CCDC62: variants seen among roughly 807,000 people sequenced by gnomAD.
CCDC62 encodes coiled-coil domain containing 62.
CCDC62 carries 72 observed loss-of-function variants against 80.8 expected under a neutral mutation model. The ratio of observed to expected loss-of-function variants is 0.89; its 90% CI spans 0.74 to 1.08. CCDC62 has a LOEUF of 1.08. Ranked by LOEUF, CCDC62 falls within the 50% of genes least tolerant of loss-of-function variation. CCDC62 has a pLI of 0.00. For missense variants in CCDC62, 704 were observed against 809.4 expected (o/e 0.87, Z 1.58); for synonymous variants, 286 against 296.5 (o/e 0.96, Z 0.36).
Position 122,822,060 on chromosome 12 carries a change from AACACACACACAC to A in CCDC62, c.2002-1287_2002-1276del, listed in dbSNP as rs58108370. Among the ~76,000 whole-genome samples the A allele has an allele frequency of 5.2e-5, 6 of 115,764 alleles. 1 individual carries two copies. The highest frequency in any genetic ancestry group is 6.7e-5 in the Non-Finnish European group (4 of 59,580). The allele number at this position is 115,764 out of a possible 152,430, so 75.9% of individuals were successfully genotyped here. On this transcript the variant is annotated intron_variant, in intron 11 of 12. Coordinates refer to ENST00000253079, the MANE Select transcript of CCDC62 (RefSeq NM_201435.5). Reference sequence around the variant, plus strand: ...GGGAGACCCTGTCTCTATAAATTTAAACACACACACACACACACACACACACACACGACATTA... The same window carrying A: ...GGGAGACCCTGTCTCTATAAATTTAAACACACACACACACACACGACATTA...
chr12:122,801,972 GA>G (rs2031342054), intron 9 of CCDC62, 120 bp downstream of exon 9: 1 of 1,096,010 alleles, frequency 9.1e-7, no homozygotes, highest in East Asian at 2.4e-5. Context: ...TTTGCTAACA[GA>G]AATCTTCCTT....
intron 11 of CCDC62, among the ~76,000 whole-genome samples, chr12:122,822,252 C>A (rs756724710): frequency 6.6e-6 from 1 of 151,874 alleles, no homozygotes; most frequent in Admixed American, 6.6e-5. Flanking sequence ...ACTACAGGCG[C>A]GTGCCACCAC....
At chr12:122,811,555 C>T (rs1242197788) in intron 10 of CCDC62, among the ~76,000 whole-genome samples, 1 of 150,136 alleles carries the variant, frequency 6.7e-6, no homozygotes, top group Admixed American at 6.7e-5. Flanking sequence ...GGTGGTGGCT[C>T]ATGCCTGTAC....
chr12:122,796,200 C>T (rs1368212818), intron 6 of CCDC62, among the ~76,000 whole-genome samples: 2 of 151,620 alleles, frequency 1.3e-5, no homozygotes, highest in South Asian at 2.1e-4. Flanking sequence ...TCCCCCACCG[C>T]CCCCCGACAA....
At chr12:122,782,840 G>C (rs2029951544) in intron 3 of CCDC62, among the ~76,000 whole-genome samples, 1 of 150,444 alleles carries the variant, frequency 6.6e-6, no homozygotes. Context: ...CGGCATGGTG[G>C]CTCACACCTA....
intron 8 of CCDC62, 48 bp downstream of exon 8, chr12:122,798,248 C>T (rs1312899596): frequency 2.1e-6 from 2 of 932,730 alleles, no homozygotes; most frequent in Non-Finnish European, 3.5e-6. Context: ...TATATTCCAT[C>T]AGCCAGTATT....
chr12:122,786,142 GTTTT>G (rs201859771), intron 4 of CCDC62, among the ~76,000 whole-genome samples: 3 of 151,744 alleles, frequency 2.0e-5, no homozygotes, highest in African/African-American at 7.3e-5. Flanking sequence ...TGCTTGAGAG[GTTTT>G]TTTTGTTTTG....
intron 4 of CCDC62, among the ~76,000 whole-genome samples, chr12:122,786,233 C>G (rs756127061): frequency 6.6e-6 from 1 of 152,128 alleles, no homozygotes; most frequent in Non-Finnish European, 1.5e-5. Context: ...CTGCAAGCTC[C>G]GCCTCCCAGG....
intron 12 of CCDC62, 59 bp downstream of exon 12, chr12:122,823,518 G>A (rs2032494111): frequency 2.3e-6 from 2 of 856,262 alleles, no homozygotes; most frequent in South Asian, 3.0e-5. Flanking sequence ...AAGTAACTTG[G>A]GAACATCGAT....
At chr12:122,779,318 G>C (rs959811413) in intron 2 of CCDC62, among the ~76,000 whole-genome samples, 1 of 152,208 alleles carries the variant, frequency 6.6e-6, no homozygotes, top group Admixed American at 6.5e-5. Flanking sequence ...GACGCTGCTG[G>C]TGGGAGTCAG....
chr12:122,803,421 T>C (rs1047686752), intron 9 of CCDC62, among the ~76,000 whole-genome samples: 1 of 152,180 alleles, frequency 6.6e-6, no homozygotes, highest in African/African-American at 2.4e-5. Context: ...TAGCTGAATC[T>C]TGTGTGTGAG....
At chr12:122,780,340 A>G (rs1032390842) in intron 2 of CCDC62, among the ~76,000 whole-genome samples, 26 of 148,960 alleles carry the variant, frequency 1.7e-4, no homozygotes, top group African/African-American at 5.2e-4. Context: ...AAGGCCGGGC[A>G]TGGTGGCTCA....
chr12:122,802,475 G>A (rs1161373169), intron 9 of CCDC62, among the ~76,000 whole-genome samples: 4 of 149,096 alleles, frequency 2.7e-5, no homozygotes, highest in South Asian at 2.2e-4. Context: ...GTGCAGTGGC[G>A]CAGTCTTGGC....
chr12:122,777,819 G>A (rs1165666047), intron 2 of CCDC62, 136 bp downstream of exon 2: 6 of 741,796 alleles, frequency 8.1e-6, no homozygotes, highest in Non-Finnish European at 4.4e-6. Flanking sequence ...GAGACAGGAG[G>A]ACTTTATGAA....
chr12:122,774,779 A>C (rs1240112428), intron 1 of CCDC62, 73 bp downstream of exon 1: 8 of 1,128,558 alleles, frequency 7.1e-6, no homozygotes, highest in African/African-American at 1.6e-5. Flanking sequence ...TTGCTTCTCA[A>C]GAACGGTGTC....
chr12:122,809,853 G>A (rs1037918925), intron 10 of CCDC62, among the ~76,000 whole-genome samples: 1 of 152,086 alleles, frequency 6.6e-6, no homozygotes, highest in Non-Finnish European at 1.5e-5. Context: ...AGAGCCCTCA[G>A]AAATAATACC....
chr12:122,778,156 C>T (rs1176138173), intron 2 of CCDC62, among the ~76,000 whole-genome samples: 1 of 151,976 alleles, frequency 6.6e-6, no homozygotes, highest in Non-Finnish European at 1.5e-5. Flanking sequence ...AACTAGAGAC[C>T]AGCCTGGCCA....
At chr12:122,777,450 A>C in intron 1 of CCDC62, 41 bp from the exon 2 acceptor site, 1 of 1,536,730 alleles carries the variant, frequency 6.5e-7, no homozygotes, top group Non-Finnish European at 8.8e-7. Context: ...TTTGTTATTG[A>C]TTTCATTCTA....
intron 6 of CCDC62, among the ~76,000 whole-genome samples, chr12:122,793,985 G>A: frequency 6.6e-6 from 1 of 152,098 alleles, no homozygotes; most frequent in East Asian, 1.9e-4. Context: ...GGTGCCCTGC[G>A]ATATGCTCAG....
Sources: allele counts gnomAD v4.1 joint callset (sites outside exome capture counted in the v4.1 genomes callset), GRCh38; gene constraint gnomAD v4.1.1; transcripts MANE v1.5; gene names NCBI Gene and HGNC (gene_info 2026-07-23, HGNC 2026-07-21).